Variants in OSBPL10 observed in about 807,000 individuals in gnomAD.
The protein encoded by OSBPL10 is oxysterol-binding protein-related protein 10.
Under a neutral mutation model 81.7 loss-of-function variants are expected in OSBPL10, and 49 were observed. That is an observed-to-expected ratio of 0.60 (90% confidence interval 0.48 to 0.76). The LOEUF (loss-of-function observed/expected upper bound fraction) is 0.76. OSBPL10 is among the 30% of genes least tolerant of loss of function. The pLI is 0.00. For missense variants in OSBPL10, 923 were observed against 987.8 expected, an observed-to-expected ratio of 0.93 and a Z score of 0.88; for synonymous variants, 419 against 383.6, an observed-to-expected ratio of 1.09 and a Z score of -1.08.
chr3:31,863,324 T>C (rs1269683079), intron 3 of OSBPL10, among the ~76,000 whole-genome samples: 1 of 152,200 alleles, frequency 6.6e-6, no homozygotes, highest in Non-Finnish European at 1.5e-5. Context: ...GGGATTTTTT[T>C]AGGAACGATA....
At chr3:31,788,399 C>T (rs1351186722) in intron 4 of OSBPL10, among the ~76,000 whole-genome samples, 2 of 152,136 alleles carry the variant, frequency 1.3e-5, no homozygotes, top group Non-Finnish European at 2.9e-5. Flanking sequence ...TTCTTAATTC[C>T]ACTTAGTCCT....
chr3:31,869,102 C>A (rs569855106), intron 3 of OSBPL10, among the ~76,000 whole-genome samples: 19 of 152,226 alleles, frequency 1.2e-4, no homozygotes, highest in Non-Finnish European at 2.4e-4. Flanking sequence ...ACTAAGCCTC[C>A]AACTCCGAGG....
intron 1 of OSBPL10, among the ~76,000 whole-genome samples, chr3:31,916,632 A>G (rs1034463192): frequency 2.0e-5 from 3 of 152,198 alleles, no homozygotes; most frequent in African/African-American, 7.2e-5. Flanking sequence ...ATACAGTAAA[A>G]ATGTAAATGT....
chr3:31,767,084 T>C (rs902130810), intron 4 of OSBPL10, among the ~76,000 whole-genome samples: 1 of 152,202 alleles, frequency 6.6e-6, no homozygotes, highest in African/African-American at 2.4e-5. Flanking sequence ...AGCTACGTTA[T>C]ACTACTTTTT....
intron 4 of OSBPL10, among the ~76,000 whole-genome samples, chr3:31,824,621 C>T (rs974837135): frequency 6.6e-6 from 1 of 152,122 alleles, no homozygotes; most frequent in South Asian, 2.1e-4. Flanking sequence ...TCGAAAGACC[C>T]GCCATCTTTG....
chr3:31,721,768 A>T (rs907892454), intron 6 of OSBPL10: 3 of 152,252 alleles, frequency 2.0e-5, no homozygotes, highest in Non-Finnish European at 4.4e-5. Flanking sequence ...ACAAATAAAG[A>T]TAAGCTAGGT....
chr3:32,045,634 G>C (rs1199466466), intron 2 of OSBPL10, among the ~76,000 whole-genome samples: 1 of 152,200 alleles, frequency 6.6e-6, no homozygotes, highest in African/African-American at 2.4e-5. Flanking sequence ...CATCCAACTT[G>C]GAAACTATGC....
At chr3:31,873,311 G>T (rs141487936) in intron 3 of OSBPL10, among the ~76,000 whole-genome samples, 3 of 151,816 alleles carry the variant, frequency 2.0e-5, no homozygotes, top group African/African-American at 7.2e-5. Flanking sequence ...CATAATTTTT[G>T]AAAAAAAGAG....
At chr3:31,808,793 T>C (rs375032307) in intron 4 of OSBPL10, among the ~76,000 whole-genome samples, 100 of 152,386 alleles carry the variant, frequency 6.6e-4, no homozygotes, top group African/African-American at 2.3e-3. Flanking sequence ...TCTGTTCCTG[T>C]CTGTTCCACT....
chr3:32,044,602 G>A (rs547830957), intron 2 of OSBPL10, among the ~76,000 whole-genome samples: 11 of 151,280 alleles, frequency 7.3e-5, no homozygotes, highest in South Asian at 6.2e-4. Flanking sequence ...TTAGTCAGGC[G>A]TGGTAGCACA....
intron 8 of OSBPL10, among the ~76,000 whole-genome samples, chr3:31,683,355 G>A (rs1423491151): frequency 6.6e-6 from 1 of 152,162 alleles, no homozygotes; most frequent in African/African-American, 2.4e-5. Context: ...TACCTGTAAG[G>A]TGTGCACGCA....
intron 1 of OSBPL10, among the ~76,000 whole-genome samples, chr3:31,971,326 G>C (rs1223530945): frequency 6.6e-6 from 1 of 151,986 alleles, no homozygotes; most frequent in Non-Finnish European, 1.5e-5. Context: ...TTTTAGTAGA[G>C]ACAGGGTTTC....
At chr3:32,012,106 C>A (rs1699265886) in intron 2 of OSBPL10, among the ~76,000 whole-genome samples, 1 of 152,186 alleles carries the variant, frequency 6.6e-6, no homozygotes, top group Non-Finnish European at 1.5e-5. Context: ...CACAAAGATA[C>A]TCCTTGGGAA....
At chr3:31,691,879 A>C (rs1695565074) in intron 7 of OSBPL10, among the ~76,000 whole-genome samples, 1 of 152,134 alleles carries the variant, frequency 6.6e-6, no homozygotes, top group African/African-American at 2.4e-5. Flanking sequence ...TGAGAAAACC[A>C]GGAGAAATAC....
intron 7 of OSBPL10, chr3:31,701,908 G>A (rs1695906902): frequency 6.4e-6 from 1 of 157,392 alleles, no homozygotes; most frequent in Non-Finnish European, 1.4e-5. Flanking sequence ...ACAGCCCTCA[G>A]AAGGTCGTGA....
At chr3:31,930,008 A>C (rs1441798820) in intron 1 of OSBPL10, among the ~76,000 whole-genome samples, 23 of 149,126 alleles carry the variant, frequency 1.5e-4, no homozygotes, top group South Asian at 8.5e-4. Flanking sequence ...CCAACCAAAA[A>C]AAAAAAAAAA....
At chr3:32,024,381 T>A (rs2125547329) in intron 2 of OSBPL10, among the ~76,000 whole-genome samples, 1 of 152,264 alleles carries the variant, frequency 6.6e-6, no homozygotes, top group African/African-American at 2.4e-5. Flanking sequence ...CTCAGCAATA[T>A]TTTCAATATT....
At chr3:31,943,516 C>T (rs182159370) in intron 1 of OSBPL10, among the ~76,000 whole-genome samples, 166 of 152,212 alleles carry the variant, frequency 1.1e-3, no homozygotes, top group Admixed American at 2.6e-3. Flanking sequence ...AATTACACCA[C>T]CCAGAGAAAG....
intron 4 of OSBPL10, among the ~76,000 whole-genome samples, chr3:31,771,867 T>G (rs1698388868): frequency 6.6e-6 from 1 of 152,216 alleles, no homozygotes; most frequent in African/African-American, 2.4e-5. Flanking sequence ...CTTTCTCAGT[T>G]CCTCTGCATC....
Sources: gnomAD v4.1 joint callset for allele counts (sites outside exome capture counted in the v4.1 genomes callset) on GRCh38, gnomAD v4.1.1 for gene constraint, MANE v1.5 for transcripts, NCBI Gene and HGNC (gene_info 2026-07-23, HGNC 2026-07-21) for gene names.